The following TENM3 variants were observed in gnomAD, a reference collection of about 807,000 sequenced individuals.
TENM3 encodes the protein teneurin-3.
In TENM3, 63 loss-of-function variants were observed where a neutral mutation model predicts 255.1. The observed-to-expected ratio is 0.25, with a 90% CI of 0.20 to 0.30. The LOEUF is 0.30. TENM3 is among the 10% of genes least tolerant of loss of function. The probability of loss-of-function intolerance (pLI) is 1.00; values close to 1 mark genes in which losing one functional copy is unlikely to be tolerated. For synonymous variants in TENM3, 1,306 were observed against 1,322.3 expected (o/e 0.99, Z 0.27); for missense variants, 2,929 against 3,461.1 (o/e 0.85, Z 3.86).
chr4:182,025,477 A>G, the TENM3 span, among the ~76,000 whole-genome samples: 1 of 152,210 alleles, frequency 6.6e-6, no homozygotes, highest in African/African-American at 2.4e-5. Flanking sequence ...TACATAAAAA[A>G]TATGGGAGTG....
the TENM3 span, among the ~76,000 whole-genome samples, chr4:181,795,233 C>A: frequency 2.0e-5 from 3 of 151,732 alleles, no homozygotes. Context: ...TTATGTCTCA[C>A]AGTTCTCCAG....
the TENM3 span, among the ~76,000 whole-genome samples, chr4:181,804,805 T>C: frequency 6.6e-6 from 1 of 151,844 alleles, no homozygotes; most frequent in Non-Finnish European, 1.5e-5. Flanking sequence ...AGCCCAGGAG[T>C]TTGATTCCAT....
the TENM3 span, among the ~76,000 whole-genome samples, chr4:181,504,991 C>T: frequency 1.1e-4 from 16 of 152,326 alleles, 1 homozygote; most frequent in Middle Eastern, 0.01. Context: ...CACACTGATT[C>T]GACTCCACAA....
intron 1 of TENM3, among the ~76,000 whole-genome samples, chr4:182,262,651 TG>T (rs1277629955): frequency 2.0e-5 from 3 of 151,758 alleles, no homozygotes; most frequent in Non-Finnish European, 2.9e-5. Flanking sequence ...ACCATTAAAA[TG>T]GGCAACCAGC....
chr4:181,793,396 C>T, the TENM3 span, among the ~76,000 whole-genome samples: 542 of 152,292 alleles, frequency 3.6e-3, 1 homozygote, highest in Non-Finnish European at 5.8e-3. Context: ...GCTTGTTAAG[C>T]GACCATGTCA....
At chr4:182,623,168 G>T (rs866632812) in intron 4 of TENM3, among the ~76,000 whole-genome samples, 1 of 149,860 alleles carries the variant, frequency 6.7e-6, no homozygotes, top group African/African-American at 2.5e-5. Context: ...CCACCACCAC[G>T]CCCGGCTAAA....
At chr4:182,484,420 C>G (rs760565329) in intron 3 of TENM3, among the ~76,000 whole-genome samples, 6 of 152,102 alleles carry the variant, frequency 3.9e-5, no homozygotes, top group Admixed American at 3.3e-4. Context: ...GGCTCTGTTT[C>G]CTTGTTTTCC....
chr4:182,760,514 CA>C (rs1397533933), intron 22 of TENM3, among the ~76,000 whole-genome samples: 1 of 152,060 alleles, frequency 6.6e-6, no homozygotes, highest in Non-Finnish European at 1.5e-5. Flanking sequence ...GAATTCTGGC[CA>C]ATATGTACAT....
the TENM3 span, among the ~76,000 whole-genome samples, chr4:181,825,425 A>C: frequency 3.8e-3 from 423 of 110,302 alleles, 30 homozygotes; most frequent in Admixed American, 6.6e-3. Context: ...AAAAAAAAAA[A>C]ACAGAGAATA....
Position 182,737,082 on chromosome 4 carries a change from T to C in TENM3, c.3235+7T>C. 2.5e-6 allele frequency: 4 copies of C among 1,604,002 alleles called. No individual in the cohort carries two copies. Among genetic ancestry groups the C allele is most frequent in the Non-Finnish European group, 3.4e-6 (4 of 1,175,568 alleles). Reference sequence around the variant, plus strand: ...GGTCTATCTGAAGCTGTTGGTAAGTTCCATATAAATCTTTGCTGCAGTGAA... The same window carrying C: ...GGTCTATCTGAAGCTGTTGGTAAGTCCCATATAAATCTTTGCTGCAGTGAA... On this transcript the variant is annotated splice_region_variant and intron_variant, in intron 17 of 27. Coordinates refer to ENST00000511685, the MANE Select transcript of TENM3 (RefSeq NM_001080477.4).
rs1450805382 is a variant in TENM3, at chr4:182,357,717, T to C, written c.511+10788T>C. On this transcript the variant is annotated intron_variant, in intron 3 of 27. Transcript: ENST00000511685. ...CTTTTGCTGTGCAGAAGCTCTTTAG[T>C]TTAATTAGATCCCATTTGTCAATTT... 2.8e-4 allele frequency among the ~76,000 whole-genome samples: 42 copies of C among 150,700 alleles called. No individual in the cohort carries two copies. In the South Asian group the frequency reaches 8.9e-3, roughly 32 times the overall value.
At chr4:181,897,391 C>T in the TENM3 span, among the ~76,000 whole-genome samples, 1 of 152,126 alleles carries the variant, frequency 6.6e-6, no homozygotes, top group Non-Finnish European at 1.5e-5. Flanking sequence ...AAGAAGAGCT[C>T]CTCCATCATT....
intron 2 of TENM3, among the ~76,000 whole-genome samples, chr4:182,341,924 G>T (rs1561342209): frequency 6.6e-6 from 1 of 152,110 alleles, no homozygotes. Flanking sequence ...TATATTTTAA[G>T]CCCTCATTGC....
the TENM3 span, among the ~76,000 whole-genome samples, chr4:181,719,215 A>AAAAT: frequency 0.01 from 1,504 of 150,060 alleles, 13 homozygotes; most frequent in East Asian, 0.017. Context: ...TCCGTCTCAA[A>AAAAT]AAATAAATAA....
intron 2 of TENM3, among the ~76,000 whole-genome samples, chr4:182,342,850 T>C (rs1345032243): frequency 6.6e-6 from 1 of 152,214 alleles, no homozygotes; most frequent in African/African-American, 2.4e-5. Context: ...GTGTTACCCA[T>C]TGGTGAACAT....
At chr4:182,278,210 T>C (rs1579993511) in intron 1 of TENM3, among the ~76,000 whole-genome samples, 2 of 151,932 alleles carry the variant, frequency 1.3e-5, no homozygotes, top group Middle Eastern at 6.8e-3. Context: ...CTACCAAAAA[T>C]ACAAAAATTA....
At chr4:181,887,883 A>G in the TENM3 span, among the ~76,000 whole-genome samples, 1,353 of 152,292 alleles carry the variant, frequency 8.9e-3, 17 homozygotes, top group African/African-American at 0.03. Context: ...CAAGGATTTA[A>G]CTTTTGGCTA....
At chr4:182,453,125 G>A (rs940465546) in intron 3 of TENM3, among the ~76,000 whole-genome samples, 5 of 151,972 alleles carry the variant, frequency 3.3e-5, no homozygotes, top group African/African-American at 9.7e-5. Context: ...TTTATACATT[G>A]ATTTTTGTTA....
At chr4:181,899,368 A>T in the TENM3 span, among the ~76,000 whole-genome samples, 4 of 152,248 alleles carry the variant, frequency 2.6e-5, no homozygotes, top group African/African-American at 7.2e-5. Flanking sequence ...TTGCTTATAA[A>T]TTTAAAAATT....
Sources: gnomAD v4.1 joint callset for allele counts (sites outside exome capture counted in the v4.1 genomes callset) on GRCh38, gnomAD v4.1.1 for gene constraint, MANE v1.5 for transcripts, NCBI Gene and HGNC (gene_info 2026-07-23, HGNC 2026-07-21) for gene names.